Variants in SLC23A2 observed in about 807,000 individuals in gnomAD.
The protein encoded by SLC23A2 is Na(+)/L-ascorbic acid transporter 2.
Under a neutral mutation model 73.3 loss-of-function variants are expected in SLC23A2, and 36 were observed. That is an observed-to-expected ratio of 0.49 (90% CI 0.38 to 0.65). The LOEUF (loss-of-function observed/expected upper bound fraction) is 0.65. Ranked by LOEUF, SLC23A2 falls within the 30% of genes least tolerant of loss-of-function variation. The pLI, the probability that SLC23A2 is intolerant of heterozygous loss-of-function variation, is 0.00. For synonymous variants in SLC23A2, 343 were observed against 327.3 expected (o/e 1.05, Z -0.52); for missense variants, 507 against 841.6 (o/e 0.60, Z 4.92).
At chr20:4,951,024 C>T (rs577464963) in intron 2 of SLC23A2, among the ~76,000 whole-genome samples, 3 of 152,116 alleles carry the variant, frequency 2.0e-5, no homozygotes, top group South Asian at 2.1e-4. Flanking sequence ...ACCACAAGCG[C>T]CCAGAACACA....
chr20:4,912,667 CAAAAAAAAA>C (rs36084071), intron 4 of SLC23A2, among the ~76,000 whole-genome samples: 1 of 73,992 alleles, frequency 1.4e-5, no homozygotes, highest in South Asian at 4.9e-4. Flanking sequence ...TTAAAACAAT[CAAAAAAAAA>C]AAAAAAAAAA....
chr20:4,955,477 G>A (rs1269613357), intron 2 of SLC23A2, among the ~76,000 whole-genome samples: 15 of 151,682 alleles, frequency 9.9e-5, no homozygotes, highest in Non-Finnish European at 2.9e-5. Flanking sequence ...GCACTAACTC[G>A]TGATTCCCCT....
intron 6 of SLC23A2, among the ~76,000 whole-genome samples, chr20:4,886,248 G>A (rs996587884): frequency 4.6e-5 from 7 of 152,208 alleles, no homozygotes; most frequent in Non-Finnish European, 1.0e-4. Context: ...TTCCTGCTGA[G>A]CTTATAAACT....
intron 2 of SLC23A2, among the ~76,000 whole-genome samples, chr20:4,967,288 T>G (rs570640792): frequency 2.7e-5 from 4 of 148,890 alleles, no homozygotes; most frequent in African/African-American, 4.9e-5. Flanking sequence ...TATTGATGAG[T>G]TTTTTTTTTA....
chr20:4,977,832 C>T (rs1451178416), intron 1 of SLC23A2, among the ~76,000 whole-genome samples: 1 of 152,148 alleles, frequency 6.6e-6, no homozygotes, highest in African/African-American at 2.4e-5. Flanking sequence ...AGCTACCACA[C>T]CTGGCCTATT....
In SLC23A2 at chr20:4,932,520, C is replaced by T. The variant is rs199664101; in HGVS notation, c.43G>A (p.Ala15Thr). Residue 15 changes from alanine (A) to threonine (T), a missense_variant, in exon 3 of 17, where the codon GCT (alanine) becomes ACT (threonine). Ala to Thr is a moderately conservative substitution (Grantham distance 58). Transcript: ENST00000338244. ...GKNTTSKSME[A>T]GSSTEGKYED... ...TATTTGCCTTCTGTTGAACTTCCAG[C>T]CTCCATTGATTTGGATGTGGTATTC... 8.7e-6 allele frequency: 14 copies of T among 1,610,312 alleles called. No individual in the cohort carries two copies. The highest frequency in any genetic ancestry group is 1.0e-5 in the Non-Finnish European group (12 of 1,176,608).
intron 2 of SLC23A2, among the ~76,000 whole-genome samples, chr20:4,957,073 C>T (rs1310102276): frequency 6.6e-6 from 1 of 152,052 alleles, no homozygotes; most frequent in Non-Finnish European, 1.5e-5. Flanking sequence ...TCCCAAAGTG[C>T]TGGGATTACA....
chr20:5,000,413 A>G (rs1271112622), intron 1 of SLC23A2, among the ~76,000 whole-genome samples: 1 of 152,072 alleles, frequency 6.6e-6, no homozygotes, highest in Non-Finnish European at 1.5e-5. Context: ...CTCAAACCAG[A>G]CTGCCTCCGG....
intron 4 of SLC23A2, among the ~76,000 whole-genome samples, chr20:4,903,587 A>AGGGGTTT (rs1033867308): frequency 2.0e-5 from 3 of 152,222 alleles, no homozygotes; most frequent in African/African-American, 7.2e-5. Flanking sequence ...TGGAGGCAAC[A>AGGGGTTT]GGGGTTTGGG....
Position 4,862,710 on chromosome 20 carries a change from C to A in SLC23A2, c.1486+68G>T. ...TTACCTTCTTACTGAAGGGAGTCAG[C>A]AAAAACACCATGACCCCTATTAAAA... On this transcript the variant is annotated intron_variant, in intron 14 of 16. Transcript: ENST00000338244. This position sits in a 1 kb window ranked among gnomAD's most constrained non-coding sequence, Gnocchi z 5.1. 1 of 1,441,612 alleles carries A rather than the reference C, an allele frequency of 6.9e-7. No individual in the cohort carries two copies. The highest frequency in any genetic ancestry group is 9.5e-7 in the Non-Finnish European group (1 of 1,050,714). 89.3% of individuals were successfully genotyped at this position (1,441,612 alleles called of 1,614,324 possible). A position where few individuals can be genotyped will look rare whatever the true frequency, so the allele number is the denominator to read the frequency against.
In SLC23A2 at chr20:4,859,280, A is replaced by ATC; in HGVS notation, c.1720+8_1720+9insGA. 6.5e-7 allele frequency: 1 copy of ATC among 1,542,762 alleles called. No individual in the cohort carries two copies. Among genetic ancestry groups the ATC allele is most frequent in the Non-Finnish European group, 9.0e-7 (1 of 1,116,544 alleles). On this transcript the variant is annotated intron_variant, in intron 16 of 16. Transcript: ENST00000338244. ...AAAAAAAAAAGTGTGTTTGATATAT[A>ATC]CCACGTACCTGGGATGGTGTTATCC...
intron 3 of SLC23A2, among the ~76,000 whole-genome samples, chr20:4,922,843 GCA>G (rs11474556): frequency 3.4e-5 from 5 of 145,796 alleles, no homozygotes; most frequent in African/African-American, 7.6e-5. Context: ...AAAAAAAAAA[GCA>G]CACACACACA....
rs2298174 is a variant in SLC23A2, at chr20:4,883,924, G to C, written c.643-101C>G. The stretch of plus-strand genomic sequence containing the variant: ...AACTGATAATTCTGCAAGGCAATAA[G>C]TTATTACATCATCTAACTTGGGAGA... On this transcript the variant is annotated intron_variant, in intron 8 of 16. Transcript: ENST00000338244. The surrounding 1 kb of genome is among the most constrained non-coding windows in gnomAD (Gnocchi z 4.5). 247,401 of 840,106 alleles carry C rather than the reference G, an allele frequency of 0.29. 37,077 individuals carry two copies. Among genetic ancestry groups the C allele is most frequent in the South Asian group, 0.34 (17,556 of 51,376 alleles). The allele number at this position is 840,106 out of a possible 1,614,324, so 52.0% of individuals were successfully genotyped here. A position where few individuals can be genotyped will look rare whatever the true frequency, so the allele number is the denominator to read the frequency against.
chr20:4,949,236 C>G (rs1036879568), intron 2 of SLC23A2, among the ~76,000 whole-genome samples: 15 of 147,330 alleles, frequency 1.0e-4, no homozygotes, highest in African/African-American at 3.0e-4. Flanking sequence ...TGCAGTGAGC[C>G]GAGATCGCAC....
At chr20:4,936,730 C>T (rs1237196361) in intron 2 of SLC23A2, among the ~76,000 whole-genome samples, 2 of 152,192 alleles carry the variant, frequency 1.3e-5, no homozygotes, top group East Asian at 1.9e-4. Context: ...AGTTCCATCC[C>T]GACAAGAATA....
intron 2 of SLC23A2, among the ~76,000 whole-genome samples, chr20:4,967,647 A>G (rs997928867): frequency 5.3e-5 from 8 of 152,266 alleles, no homozygotes; most frequent in African/African-American, 9.6e-5. Flanking sequence ...TCAACAGCAC[A>G]AAGTCTATAA....
In SLC23A2 at chr20:4,902,649, A is replaced by G. The variant is rs1034692986; in HGVS notation, c.208-91T>C. The stretch of plus-strand genomic sequence containing the variant: ...TACAGGCCACTATTACAGAAAAACA[A>G]CTTTATCAAGTGGTTGCCATCTTCC... On this transcript the variant is annotated intron_variant, in intron 4 of 16. Transcript: ENST00000338244. The surrounding 1 kb of genome is among the most constrained non-coding windows in gnomAD (Gnocchi z 4.0). 16 of 618,152 alleles carry G rather than the reference A, an allele frequency of 2.6e-5. No individual in the cohort carries two copies. The African/African-American group carries it at 2.7e-4, about 10-fold the overall frequency. 38.3% of individuals were successfully genotyped at this position (618,152 alleles called of 1,614,324 possible).
chr20:4,893,663 C>A (rs942599731), intron 6 of SLC23A2, among the ~76,000 whole-genome samples: 5 of 152,214 alleles, frequency 3.3e-5, no homozygotes, highest in African/African-American at 1.2e-4. Flanking sequence ...GGCAGACAAT[C>A]TGGTTAGAGG....
chr20:4,939,894 G>T (rs538297691), intron 2 of SLC23A2, among the ~76,000 whole-genome samples: 3 of 152,236 alleles, frequency 2.0e-5, no homozygotes, highest in Admixed American at 2.0e-4. Flanking sequence ...AGAAACAGAG[G>T]ATACTCTTCG....
Sources: allele counts gnomAD v4.1 joint callset (sites outside exome capture counted in the v4.1 genomes callset), GRCh38; gene constraint gnomAD v4.1.1; non-coding constraint Gnocchi (gnomAD v3.1); transcripts MANE v1.5; gene names NCBI Gene and HGNC (gene_info 2026-07-23, HGNC 2026-07-21).